The following SLC25A21 variants were observed in gnomAD, a reference collection of about 807,000 sequenced individuals.
SLC25A21 encodes the protein solute carrier family 25 member 21.
In SLC25A21, 47 loss-of-function variants were observed where a neutral mutation model predicts 43.8. The ratio of observed to expected loss-of-function variants is 1.07; its 90% CI spans 0.85 to 1.37. The LOEUF (loss-of-function observed/expected upper bound fraction) is 1.37, where lower values mean the gene tolerates loss of function less well. Among genes scored for constraint, SLC25A21 ranks in the 40% most tolerant of loss-of-function variants. SLC25A21 has a pLI of 0.00. For missense variants in SLC25A21, 352 were observed against 350.2 expected, an observed-to-expected ratio of 1.00 and a Z score of -0.04; for synonymous variants, 131 against 121.3, an observed-to-expected ratio of 1.08 and a Z score of -0.52.
At chr14:36,897,596 G>A (rs1273859780) in intron 1 of SLC25A21, among the ~76,000 whole-genome samples, 1 of 152,156 alleles carries the variant, frequency 6.6e-6, no homozygotes, top group African/African-American at 2.4e-5. Flanking sequence ...CATTCCTTTG[G>A]AGGAGGAGAG....
intron 2 of SLC25A21, among the ~76,000 whole-genome samples, chr14:36,836,858 T>A (rs570669056): frequency 6.6e-6 from 1 of 152,224 alleles, no homozygotes; most frequent in Non-Finnish European, 1.5e-5. Flanking sequence ...GATGAATATA[T>A]TTGTAGTTAG....
intron 7 of SLC25A21, among the ~76,000 whole-genome samples, chr14:36,699,749 C>T (rs1883197872): frequency 6.6e-6 from 1 of 152,226 alleles, no homozygotes; most frequent in Non-Finnish European, 1.5e-5. Context: ...GTGGGACCCA[C>T]CGAGCCAGGA....
At chr14:36,979,493 C>A (rs1959968460) in intron 1 of SLC25A21, among the ~76,000 whole-genome samples, 1 of 152,016 alleles carries the variant, frequency 6.6e-6, no homozygotes, top group Non-Finnish European at 1.5e-5. Context: ...GTAGCTGTGA[C>A]TACCGGTGTG....
At chr14:37,109,625 A>G (rs1962982237) in intron 1 of SLC25A21, among the ~76,000 whole-genome samples, 1 of 152,198 alleles carries the variant, frequency 6.6e-6, no homozygotes, top group African/African-American at 2.4e-5. Flanking sequence ...GATGTTGTGC[A>G]GTCAGGAGAC....
intron 3 of SLC25A21, among the ~76,000 whole-genome samples, chr14:36,757,610 C>T (rs1885985480): frequency 6.6e-6 from 1 of 152,140 alleles, no homozygotes; most frequent in Non-Finnish European, 1.5e-5. Context: ...TATCTCATTC[C>T]TTTTCATAGC....
At chr14:36,843,904 A>AG (rs1889462938) in intron 2 of SLC25A21, among the ~76,000 whole-genome samples, 1 of 152,206 alleles carries the variant, frequency 6.6e-6, no homozygotes, top group African/African-American at 2.4e-5. Context: ...TTCATGTCAG[A>AG]GAGATCCCTA....
At chr14:36,832,029 T>C (rs1453557735) in intron 2 of SLC25A21, among the ~76,000 whole-genome samples, 2 of 152,294 alleles carry the variant, frequency 1.3e-5, no homozygotes, top group East Asian at 3.9e-4. Flanking sequence ...CTTTGTTAGT[T>C]TGATAAAAGT....
At chr14:36,715,724 T>C (rs567863941) in intron 6 of SLC25A21, among the ~76,000 whole-genome samples, 23 of 152,344 alleles carry the variant, frequency 1.5e-4, no homozygotes, top group African/African-American at 4.8e-4. Context: ...TATTTACCTA[T>C]GAGAGTATTC....
chr14:36,711,285 T>C, intron 7 of SLC25A21, 33 bp downstream of exon 7: 1 of 1,603,060 alleles, frequency 6.2e-7, no homozygotes, highest in Non-Finnish European at 8.5e-7. Flanking sequence ...GATAGGATTT[T>C]TCCTCCAGGA....
At chr14:36,715,755 G>A (rs1338563330) in intron 6 of SLC25A21, among the ~76,000 whole-genome samples, 1 of 152,176 alleles carries the variant, frequency 6.6e-6, no homozygotes, top group Non-Finnish European at 1.5e-5. Flanking sequence ...ATGGGAAATG[G>A]AATCAAATAT....
chr14:36,859,993 A>G (rs1566682507), intron 2 of SLC25A21, among the ~76,000 whole-genome samples: 1 of 152,126 alleles, frequency 6.6e-6, no homozygotes, highest in Non-Finnish European at 1.5e-5. Flanking sequence ...TAATATATAT[A>G]CATATATATA....
intron 2 of SLC25A21, among the ~76,000 whole-genome samples, chr14:36,821,932 C>T (rs1275815927): frequency 6.6e-6 from 1 of 152,140 alleles, no homozygotes; most frequent in East Asian, 1.9e-4. Context: ...TAATCATGTT[C>T]GAAGGGTGTG....
chr14:37,161,276 T>C (rs1239390539), intron 1 of SLC25A21, among the ~76,000 whole-genome samples: 1 of 151,958 alleles, frequency 6.6e-6, no homozygotes, highest in Non-Finnish European at 1.5e-5. Context: ...TCTGCAAAGA[T>C]TAGATAAAAT....
chr14:36,811,469 G>A (rs913143717), intron 3 of SLC25A21, among the ~76,000 whole-genome samples: 9 of 152,016 alleles, frequency 5.9e-5, no homozygotes, highest in African/African-American at 7.2e-5. Flanking sequence ...TGGCCAACAC[G>A]GTGAGGCCCC....
intron 3 of SLC25A21, among the ~76,000 whole-genome samples, chr14:36,788,006 C>T (rs765681216): frequency 1.3e-5 from 2 of 152,176 alleles, no homozygotes; most frequent in Non-Finnish European, 2.9e-5. Flanking sequence ...CAACTATAAA[C>T]ACTAACATAA....
Position 36,988,186 on chromosome 14 carries a change from G to GC in SLC25A21, c.71-113183dup, listed in dbSNP as rs1331098211. Among the ~76,000 whole-genome samples the GC allele has an allele frequency of 7.9e-5, 12 of 152,298 alleles. 1 individual carries two copies. Among genetic ancestry groups the GC allele is most frequent in the African/African-American group, 2.9e-4 (12 of 41,562 alleles). The stretch of plus-strand genomic sequence containing the variant: ...GTGTAATATCGGGGGAGAGAGGTAA[G>GC]CCTCACGAGACTTATTTTCCTTATC... On this transcript the variant is annotated intron_variant, in intron 1 of 9. Coordinates refer to ENST00000331299, the MANE Select transcript of SLC25A21 (RefSeq NM_030631.4).
chr14:37,006,993 CTT>C (rs1377188263), intron 1 of SLC25A21, among the ~76,000 whole-genome samples: 5 of 152,160 alleles, frequency 3.3e-5, no homozygotes, highest in Non-Finnish European at 5.9e-5. Flanking sequence ...ATTTTTAACA[CTT>C]TTTTCTACAA....
intron 6 of SLC25A21, among the ~76,000 whole-genome samples, chr14:36,713,992 G>A (rs943171373): frequency 6.6e-6 from 1 of 151,842 alleles, no homozygotes; most frequent in African/African-American, 2.4e-5. Flanking sequence ...ATGACAGAGT[G>A]AAAGCAAGAC....
At chr14:36,935,825 T>C (rs530590043) in intron 1 of SLC25A21, among the ~76,000 whole-genome samples, 4 of 152,278 alleles carry the variant, frequency 2.6e-5, no homozygotes, top group African/African-American at 7.2e-5. Context: ...ATCCTCTCCA[T>C]TTTTAATTAC....
Sources: allele counts gnomAD v4.1 joint callset (sites outside exome capture counted in the v4.1 genomes callset), GRCh38; gene constraint gnomAD v4.1.1; transcripts MANE v1.5; gene names NCBI Gene and HGNC (gene_info 2026-07-23, HGNC 2026-07-21).